The following GRB2 variants were observed in gnomAD, a reference collection of about 807,000 sequenced individuals.
GRB2 encodes the protein growth factor receptor-bound protein 2.
Under a neutral mutation model 27.4 loss-of-function variants are expected in GRB2, and 2 were observed. That is an observed-to-expected ratio of 0.07 (90% CI 0.03 to 0.23). GRB2 has a LOEUF of 0.23. GRB2 is among the 10% of genes least tolerant of loss of function. The pLI, the probability that GRB2 is intolerant of heterozygous loss-of-function variation, is 1.00. For missense variants in GRB2, 102 were observed against 282.4 expected, an observed-to-expected ratio of 0.36 and a Z score of 4.58; for synonymous variants, 94 against 99.6, an observed-to-expected ratio of 0.94 and a Z score of 0.33.
chr17:75,387,107 G>A (rs1489814988), intron 2 of GRB2, among the ~76,000 whole-genome samples: 1 of 151,532 alleles, frequency 6.6e-6, no homozygotes, highest in Non-Finnish European at 1.5e-5. Flanking sequence ...CTTGCAGTGA[G>A]CTGAGATCCC....
intron 2 of GRB2, chr17:75,338,797 G>A (rs1447809207): frequency 4.2e-6 from 3 of 719,656 alleles, no homozygotes; most frequent in Non-Finnish European, 7.6e-6. Context: ...AAATATACAA[G>A]TCCTTTCTGT....
At chr17:75,385,612 T>G (rs533667256) in intron 2 of GRB2, among the ~76,000 whole-genome samples, 2 of 152,230 alleles carry the variant, frequency 1.3e-5, no homozygotes, top group Non-Finnish European at 2.9e-5. Context: ...AGATTGGATC[T>G]GAATCCTAAC....
intron 2 of GRB2, among the ~76,000 whole-genome samples, chr17:75,337,569 ACTAT>A (rs2078586132): frequency 8.0e-6 from 1 of 124,796 alleles, no homozygotes; most frequent in Non-Finnish European, 1.7e-5. Context: ...TATTACTGTT[ACTAT>A]TTTTTTTTTT....
intron 2 of GRB2, among the ~76,000 whole-genome samples, chr17:75,333,991 C>A (rs150373269): frequency 3.5e-4 from 54 of 152,268 alleles, no homozygotes; most frequent in African/African-American, 1.3e-3. Flanking sequence ...CCAGGCCATG[C>A]ATAGGCTAGG....
intron 2 of GRB2, among the ~76,000 whole-genome samples, chr17:75,335,406 A>G (rs1257951654): frequency 6.6e-6 from 1 of 152,282 alleles, no homozygotes; most frequent in Non-Finnish European, 1.5e-5. Context: ...GATGTTGAAC[A>G]ATGCTGTACT....
intron 1 of GRB2, among the ~76,000 whole-genome samples, chr17:75,399,703 GCT>G (rs1276558230): frequency 6.8e-6 from 1 of 147,306 alleles, no homozygotes; most frequent in Admixed American, 6.9e-5. Context: ...ACAGAGTCTC[GCT>G]CTGTCGCCCA....
chr17:75,366,168 A>G (rs953103212), intron 2 of GRB2, among the ~76,000 whole-genome samples: 7 of 138,302 alleles, frequency 5.1e-5, no homozygotes, highest in African/African-American at 2.0e-4. Flanking sequence ...CAGAACTTGG[A>G]AAAAAAAAAT....
chr17:75,344,280 C>T (rs2078640666), intron 2 of GRB2: 2 of 152,076 alleles, frequency 1.3e-5, no homozygotes, highest in Admixed American at 1.3e-4. Flanking sequence ...TGTTGTTTGG[C>T]TGCTATTAAC....
intron 2 of GRB2, among the ~76,000 whole-genome samples, chr17:75,358,974 A>C (rs967645634): frequency 1.4e-5 from 2 of 146,196 alleles, no homozygotes; most frequent in African/African-American, 5.0e-5. Flanking sequence ...GCACTTTGGG[A>C]GGCTGAGGTG....
chr17:75,377,016 CAT>C (rs944277831), intron 2 of GRB2, among the ~76,000 whole-genome samples: 2 of 151,614 alleles, frequency 1.3e-5, no homozygotes, highest in African/African-American at 4.8e-5. Context: ...GTCTCAAAAA[CAT>C]AAAGACAGAC....
intron 2 of GRB2, among the ~76,000 whole-genome samples, chr17:75,359,247 A>C (rs2078762032): frequency 6.6e-6 from 1 of 150,888 alleles, no homozygotes; most frequent in South Asian, 2.1e-4. Context: ...TGGCTCATAC[A>C]TGTGATCTAG....
chr17:75,394,580 C>G (rs1478021127), intron 1 of GRB2, among the ~76,000 whole-genome samples: 2 of 152,186 alleles, frequency 1.3e-5, no homozygotes, highest in Non-Finnish European at 2.9e-5. Context: ...CTCAGCACTC[C>G]AGAAATAGCT....
intron 2 of GRB2, among the ~76,000 whole-genome samples, chr17:75,360,478 T>G (rs949755118): frequency 2.0e-5 from 3 of 152,226 alleles, no homozygotes; most frequent in African/African-American, 7.2e-5. Flanking sequence ...AAGGTAATTA[T>G]CTGATTTTAG....
At position 75,374,898 on chromosome 17, in the gene GRB2, G is replaced by T. The variant is rs572184424; in HGVS notation, c.78+18653C>A. Among the ~76,000 whole-genome samples the T allele has an allele frequency of 8.5e-5, 13 of 152,196 alleles. No homozygotes were observed. In the South Asian group the frequency reaches 2.7e-3, roughly 32 times the overall value. On this transcript the variant is annotated intron_variant, in intron 2 of 5. Transcript: ENST00000316804. ...CAGATTCATGCATTTAAATAATTCTGTTTCTTTTTCTTGAGATAAGGGGTC... is the reference window on the plus strand; with the variant it reads ...CAGATTCATGCATTTAAATAATTCTTTTTCTTTTTCTTGAGATAAGGGGTC...
intron 2 of GRB2, among the ~76,000 whole-genome samples, chr17:75,348,663 C>T (rs1347486372): frequency 1.3e-5 from 2 of 152,114 alleles, no homozygotes; most frequent in African/African-American, 4.8e-5. Flanking sequence ...GAATTCACCG[C>T]TACATGTTTC....
intron 1 of GRB2, among the ~76,000 whole-genome samples, chr17:75,398,841 G>C (rs2079045641): frequency 6.6e-6 from 1 of 151,720 alleles, no homozygotes; most frequent in Non-Finnish European, 1.5e-5. Context: ...TCCACCTCCT[G>C]GGTTCAAGCG....
intron 2 of GRB2, among the ~76,000 whole-genome samples, chr17:75,363,192 A>T (rs940393108): frequency 6.6e-6 from 1 of 152,156 alleles, no homozygotes; most frequent in Non-Finnish European, 1.5e-5. Flanking sequence ...TTTAAGAGCC[A>T]AGAGTCCCAT....
chr17:75,329,655 G>C (rs2078525824), intron 3 of GRB2, among the ~76,000 whole-genome samples: 1 of 152,190 alleles, frequency 6.6e-6, no homozygotes, highest in Admixed American at 6.5e-5. Flanking sequence ...CACTTTGGGA[G>C]GCTAAGGTGG....
At chr17:75,360,044 G>T (rs2078769205) in intron 2 of GRB2, among the ~76,000 whole-genome samples, 2 of 151,802 alleles carry the variant, frequency 1.3e-5, no homozygotes, top group Admixed American at 1.3e-4. Flanking sequence ...AAATTTAGAA[G>T]GCTGAGGTGG....
Sources: allele counts gnomAD v4.1 joint callset (sites outside exome capture counted in the v4.1 genomes callset), GRCh38; gene constraint gnomAD v4.1.1; transcripts MANE v1.5; gene names NCBI Gene and HGNC (gene_info 2026-07-23, HGNC 2026-07-21).